MEI4: variants seen among roughly 807,000 people sequenced by gnomAD.
The protein encoded by MEI4 is meiosis-specific protein MEI4.
MEI4 carries 27 observed loss-of-function variants against 31.4 expected under a neutral mutation model. That is an observed-to-expected ratio of 0.86 (90% CI 0.63 to 1.19). The LOEUF (loss-of-function observed/expected upper bound fraction) is 1.19. Ranked by LOEUF, MEI4 falls within the 50% of genes most tolerant of loss-of-function variation. MEI4 has a pLI of 0.00. For missense variants in MEI4, 329 were observed against 398.9 expected (o/e 0.82, Z 1.49); for synonymous variants, 122 against 145.4 (o/e 0.84, Z 1.16).
intron 4 of MEI4, among the ~76,000 whole-genome samples, chr6:77,845,390 ATTAC>A (rs1304763025): frequency 6.6e-6 from 1 of 152,044 alleles, no homozygotes; most frequent in Admixed American, 6.6e-5. Context: ...GAGTGTGTTT[ATTAC>A]TTTCAAATAC....
At chr6:77,918,006 A>G (rs1483185349) in intron 4 of MEI4, among the ~76,000 whole-genome samples, 2 of 151,758 alleles carry the variant, frequency 1.3e-5, no homozygotes, top group African/African-American at 4.8e-5. Flanking sequence ...TTTTCCCATC[A>G]CCATATATTA....
chr6:77,782,949 C>A (rs1257509868), intron 3 of MEI4, among the ~76,000 whole-genome samples: 1 of 152,128 alleles, frequency 6.6e-6, no homozygotes, highest in African/African-American at 2.4e-5. Flanking sequence ...CTCCTTAGAG[C>A]TTTTGCCTGA....
chr6:77,655,467 A>G (rs564395925), intron 1 of MEI4, among the ~76,000 whole-genome samples: 86 of 152,312 alleles, frequency 5.6e-4, no homozygotes, highest in Non-Finnish European at 1.1e-3. Flanking sequence ...AATTTATGGG[A>G]GAATATAATC....
In MEI4 at chr6:77,700,446, G is replaced by A. The variant is rs192425086; in HGVS notation, c.232+9543G>A. Among the ~76,000 whole-genome samples the A allele has an allele frequency of 3.4e-3, 514 of 152,290 alleles. 2 individuals are homozygous for A. Among genetic ancestry groups the A allele is most frequent in the African/African-American group, 0.012 (500 of 41,550 alleles). On this transcript the variant is annotated intron_variant, in intron 2 of 4. Coordinates refer to ENST00000684080, the MANE Select transcript of MEI4 (RefSeq NM_001322247.2). ...GCCGTTTTTTAAGCCCGTTGGAAAA[G>A]CGCAGTATTTGGATGGGAGTGACCC...
chr6:77,902,228 CTCTT>C (rs1168552472), intron 4 of MEI4, among the ~76,000 whole-genome samples: 1 of 151,952 alleles, frequency 6.6e-6, no homozygotes, highest in Admixed American at 6.6e-5. Flanking sequence ...CTTTTTCTCT[CTCTT>C]TTTCTGTGAC....
chr6:77,664,529 G>C (rs1385471708), intron 1 of MEI4, among the ~76,000 whole-genome samples: 1 of 152,148 alleles, frequency 6.6e-6, no homozygotes, highest in African/African-American at 2.4e-5. Context: ...GTGTGAGGAG[G>C]GGAGGCGATA....
intron 2 of MEI4, among the ~76,000 whole-genome samples, chr6:77,736,340 C>A (rs535005483): frequency 1.3e-5 from 2 of 152,006 alleles, no homozygotes; most frequent in Admixed American, 6.5e-5. Flanking sequence ...TCTCCTGGTG[C>A]GCCGTTTTTA....
chr6:77,661,487 G>A (rs1768509047), intron 1 of MEI4, among the ~76,000 whole-genome samples: 1 of 152,136 alleles, frequency 6.6e-6, no homozygotes, highest in Admixed American at 6.5e-5. Flanking sequence ...TCTGACTCGA[G>A]GCTTGTGAGT....
intron 4 of MEI4, among the ~76,000 whole-genome samples, chr6:77,878,319 G>A (rs1456622190): frequency 6.6e-6 from 1 of 152,090 alleles, no homozygotes; most frequent in East Asian, 1.9e-4. Context: ...TTCCAAACAT[G>A]AAGTGTTAAA....
intron 4 of MEI4, among the ~76,000 whole-genome samples, chr6:77,907,833 T>C (rs1766334246): frequency 6.6e-6 from 1 of 152,090 alleles, no homozygotes; most frequent in African/African-American, 2.4e-5. Context: ...TTTTTAATGA[T>C]CACCATTCTC....
intron 2 of MEI4, among the ~76,000 whole-genome samples, chr6:77,732,179 C>T (rs1310864995): frequency 1.3e-5 from 2 of 151,534 alleles, no homozygotes; most frequent in Non-Finnish European, 2.9e-5. Flanking sequence ...TCATTGGTAG[C>T]TTGATGGGGA....
chr6:77,676,549 T>TTAAA (rs1008050930), intron 1 of MEI4, among the ~76,000 whole-genome samples: 2 of 151,962 alleles, frequency 1.3e-5, no homozygotes, highest in African/African-American at 4.8e-5. Flanking sequence ...ATAATAAATG[T>TTAAA]TAAATAACCA....
chr6:77,682,512 G>C (rs1215601036), intron 1 of MEI4, among the ~76,000 whole-genome samples: 1 of 152,188 alleles, frequency 6.6e-6, no homozygotes, highest in Non-Finnish European at 1.5e-5. Context: ...TGAGTGAAGA[G>C]AGACAGATGT....
chr6:77,733,773 A>C (rs1239519419), intron 2 of MEI4, among the ~76,000 whole-genome samples: 3 of 152,008 alleles, frequency 2.0e-5, no homozygotes, highest in Non-Finnish European at 4.4e-5. Flanking sequence ...TTAGTGCTAT[A>C]AATTTCCCTC....
At chr6:77,906,987 A>T (rs142499935) in intron 4 of MEI4, among the ~76,000 whole-genome samples, 338 of 150,876 alleles carry the variant, frequency 2.2e-3, no homozygotes, top group African/African-American at 7.4e-3. Context: ...TGAGACATTT[A>T]TACATTCTTA....
chr6:77,848,612 G>A (rs148160083), intron 4 of MEI4, among the ~76,000 whole-genome samples: 8 of 152,240 alleles, frequency 5.3e-5, no homozygotes, highest in Admixed American at 2.6e-4. Context: ...CGGGGAAAGT[G>A]CACTTGTTGG....
At chr6:77,822,499 T>C (rs550471517) in intron 3 of MEI4, among the ~76,000 whole-genome samples, 25 of 152,176 alleles carry the variant, frequency 1.6e-4, no homozygotes, top group Non-Finnish European at 3.1e-4. Flanking sequence ...TTTACCCTCA[T>C]TGATGCTATA....
chr6:77,682,521 G>A (rs1487465758), intron 1 of MEI4, among the ~76,000 whole-genome samples: 2 of 152,208 alleles, frequency 1.3e-5, no homozygotes, highest in African/African-American at 2.4e-5. Flanking sequence ...AGAGACAGAT[G>A]TGACCTTTTG....
intron 4 of MEI4, among the ~76,000 whole-genome samples, chr6:77,868,914 A>T (rs9448237): frequency 6.6e-6 from 1 of 152,084 alleles, no homozygotes; most frequent in Non-Finnish European, 1.5e-5. Flanking sequence ...ATTGGTAACT[A>T]GAAGAACAGC....
Sources: gnomAD v4.1 joint callset for allele counts (sites outside exome capture counted in the v4.1 genomes callset) on GRCh38, gnomAD v4.1.1 for gene constraint, MANE v1.5 for transcripts, NCBI Gene and HGNC (gene_info 2026-07-23, HGNC 2026-07-21) for gene names.